PTP4A3: variants seen among roughly 807,000 people sequenced by gnomAD.
PTP4A3 encodes protein tyrosine phosphatase 4A3, also known as protein tyrosine phosphatase type IVA 3.
In PTP4A3, 9 loss-of-function variants were observed where a neutral mutation model predicts 15.2. That is an observed-to-expected ratio of 0.59 (90% CI 0.36 to 1.03). The LOEUF is 1.03. PTP4A3 is among the 50% of genes least tolerant of loss of function. The pLI, the probability that PTP4A3 is intolerant of heterozygous loss-of-function variation, is 0.02. For missense variants in PTP4A3, 234 were observed against 252.1 expected (o/e 0.93, Z 0.49); for synonymous variants, 95 against 102.0 (o/e 0.93, Z 0.41).
chr8:141,418,755 C>T (rs1408375702), intron 1 of PTP4A3, among the ~76,000 whole-genome samples: 3 of 152,138 alleles, frequency 2.0e-5, no homozygotes, highest in African/African-American at 4.8e-5. Flanking sequence ...GCAACCTGTC[C>T]CCATTTCGCA....
intron 1 of PTP4A3, among the ~76,000 whole-genome samples, chr8:141,417,166 G>A (rs746756624): frequency 2.0e-5 from 3 of 152,188 alleles, no homozygotes; most frequent in Non-Finnish European, 4.4e-5. Context: ...CTTCCTGGAA[G>A]AGGGGGCATC....
chr8:141,396,011 C>T (rs573728838), intron 1 of PTP4A3, among the ~76,000 whole-genome samples: 46 of 152,338 alleles, frequency 3.0e-4, no homozygotes, highest in Non-Finnish European at 4.3e-4. Flanking sequence ...CCACCTGCCC[C>T]CGCCAACCCT....
Position 141,431,145 on chromosome 8 carries a change from A to C in PTP4A3, c.*101A>C. The C allele has an allele frequency of 8.7e-7, 1 of 1,154,540 alleles. No individual in the cohort carries two copies. Among genetic ancestry groups the C allele is most frequent in the Non-Finnish European group, 1.3e-6 (1 of 788,346 alleles). 71.5% of individuals were successfully genotyped at this position (1,154,540 alleles called of 1,614,324 possible). On this transcript the variant is annotated 3_prime_UTR_variant, in exon 6 of 6. Transcript: ENST00000521578. ...CTCTGCCCAGCCCAGCAGGGGCTCC[A>C]GGCCTTGGCTGGCCCCACATCGCCT...
chr8:141,420,913 C>T (rs1833299726), intron 1 of PTP4A3, among the ~76,000 whole-genome samples: 1 of 152,242 alleles, frequency 6.6e-6, no homozygotes, highest in Non-Finnish European at 1.5e-5. Context: ...CCAGAGACAC[C>T]TGGGCTCAGA....
At position 141,422,233 on chromosome 8, in the gene PTP4A3, G is replaced by T; in HGVS notation, c.-8G>T. The T allele has an allele frequency of 1.2e-6, 2 of 1,612,958 alleles. No homozygotes were observed. The highest frequency in any genetic ancestry group is 1.7e-6 in the Non-Finnish European group (2 of 1,179,968). On this transcript the variant is annotated 5_prime_UTR_variant, in exon 2 of 6. Coordinates refer to ENST00000521578, the MANE Select transcript of PTP4A3 (RefSeq NM_032611.3). ...CCTTCTGCCCTGCCGGGCCCGTCGG[G>T]AGGCGCCATGGCTCGGATGAACCGC... is the stretch of plus-strand genomic sequence containing the variant.
chr8:141,409,263 G>A lies in PTP4A3; in HGVS notation c.-853-12125G>A, dbSNP rs150497641. 2.5e-3 allele frequency among the ~76,000 whole-genome samples: 376 copies of A among 152,392 alleles called. 2 individuals carry two copies. The highest frequency in any genetic ancestry group is 8.0e-3 in the African/African-American group (333 of 41,598). ...CCACAGCACTGCCAGACAGGGCAAA[G>A]TTCCTGGCCCGGGGCTGTCTCTGAG... On this transcript the variant is annotated intron_variant, in intron 1 of 5. Transcript: ENST00000521578.
chr8:141,417,966 G>A (rs550486323), intron 1 of PTP4A3, among the ~76,000 whole-genome samples: 3 of 151,990 alleles, frequency 2.0e-5, no homozygotes, highest in South Asian at 4.1e-4. Context: ...GGCCAGCACC[G>A]TGGGCACCGC....
Position 141,431,471 on chromosome 8 carries a change from G to A in PTP4A3, c.*427G>A. 6.0e-6 allele frequency: 1 copy of A among 165,616 alleles called. No individual in the cohort carries two copies. The highest frequency in any genetic ancestry group is 1.3e-5 in the Non-Finnish European group (1 of 77,446). The allele number at this position is 165,616 out of a possible 1,614,324, so 10.3% of individuals were successfully genotyped here. A position where few individuals can be genotyped will look rare whatever the true frequency, so the allele number is the denominator to read the frequency against. ...TCGGCACCTTAAATTATTAGACCCC[G>A]GGGCAGTCAGGTGCTCCGGACACCC... On this transcript the variant is annotated 3_prime_UTR_variant, in exon 6 of 6. Coordinates refer to ENST00000521578, the MANE Select transcript of PTP4A3 (RefSeq NM_032611.3).
At chr8:141,408,992 T>C (rs1055751523) in intron 1 of PTP4A3, among the ~76,000 whole-genome samples, 2 of 152,230 alleles carry the variant, frequency 1.3e-5, no homozygotes, top group Non-Finnish European at 2.9e-5. Context: ...CACCACGCCC[T>C]GATGTGTATA....
At chr8:141,396,775 C>T (rs947855531) in intron 1 of PTP4A3, among the ~76,000 whole-genome samples, 4 of 152,204 alleles carry the variant, frequency 2.6e-5, no homozygotes, top group African/African-American at 9.7e-5. Context: ...TCTCAGTGTT[C>T]CCTTCTCACG....
chr8:141,417,824 A>T (rs1391247774), intron 1 of PTP4A3, among the ~76,000 whole-genome samples: 1 of 151,810 alleles, frequency 6.6e-6, no homozygotes, highest in African/African-American at 2.4e-5. Context: ...CAGGTGTGGG[A>T]GCCCCCGGCA....
chr8:141,416,532 T>C (rs1380264501), intron 1 of PTP4A3, among the ~76,000 whole-genome samples: 1 of 152,096 alleles, frequency 6.6e-6, no homozygotes, highest in African/African-American at 2.4e-5. Flanking sequence ...GAGACGCTGC[T>C]GGAAGTGGTG....
At chr8:141,424,457 G>T (rs1833474998) in intron 2 of PTP4A3, among the ~76,000 whole-genome samples, 1 of 152,138 alleles carries the variant, frequency 6.6e-6, no homozygotes, top group South Asian at 2.1e-4. Flanking sequence ...CCCAGCTGAT[G>T]CCCGCCCCTC....
chr8:141,429,558 C>T (rs1833750612), intron 5 of PTP4A3, among the ~76,000 whole-genome samples: 1 of 151,478 alleles, frequency 6.6e-6, no homozygotes. Context: ...GGTGAGTGTA[C>T]AGCCCAGGTT....
intron 5 of PTP4A3, among the ~76,000 whole-genome samples, chr8:141,428,749 C>T (rs1422107467): frequency 6.6e-6 from 1 of 152,228 alleles, no homozygotes; most frequent in Non-Finnish European, 1.5e-5. Context: ...GGGGGTCATA[C>T]AGGCACACAT....
chr8:141,419,346 T>C (rs959191821), intron 1 of PTP4A3, among the ~76,000 whole-genome samples: 2 of 152,160 alleles, frequency 1.3e-5, no homozygotes, highest in Non-Finnish European at 2.9e-5. Flanking sequence ...TTTCTTCCTT[T>C]CTTTCTGTAA....
chr8:141,397,383 C>T (rs1418289952), intron 1 of PTP4A3, among the ~76,000 whole-genome samples: 1 of 149,176 alleles, frequency 6.7e-6, no homozygotes. Flanking sequence ...TGGGCTGAAA[C>T]TTCTGCCTGT....
rs1318890199 is a variant in PTP4A3 at position 141,425,517 on chromosome 8, C to T, written c.198+377C>T. On this transcript the variant is annotated intron_variant, in intron 3 of 5. Coordinates refer to ENST00000521578, the MANE Select transcript of PTP4A3 (RefSeq NM_032611.3). This position sits in a 1 kb window ranked among gnomAD's most constrained non-coding sequence, Gnocchi z 4.2. Reference sequence around the variant, plus strand: ...GCCTGGGCGGCTGGGGCCCTGTTGCCAGGCAGCAGGCTCCTGGGGAGGGCC... The same window carrying T: ...GCCTGGGCGGCTGGGGCCCTGTTGCTAGGCAGCAGGCTCCTGGGGAGGGCC... 6.7e-6 allele frequency among the ~76,000 whole-genome samples: 1 copy of T among 149,294 alleles called. No individual in the cohort carries two copies. The highest frequency in any genetic ancestry group is 2.0e-4 in the East Asian group (1 of 4,970).
At chr8:141,418,006 G>T (rs1833132998) in intron 1 of PTP4A3, among the ~76,000 whole-genome samples, 1 of 151,990 alleles carries the variant, frequency 6.6e-6, no homozygotes, top group African/African-American at 2.4e-5. Context: ...GCGGTGGGAC[G>T]CCTGCGGCGC....
Sources: gnomAD v4.1 joint callset for allele counts (sites outside exome capture counted in the v4.1 genomes callset) on GRCh38, gnomAD v4.1.1 for gene constraint, Gnocchi (gnomAD v3.1) non-coding constraint, MANE v1.5 for transcripts, NCBI Gene and HGNC (gene_info 2026-07-23, HGNC 2026-07-21) for gene names.